The following POLR2F variants were observed in gnomAD, a reference collection of about 807,000 sequenced individuals.
POLR2F encodes RNA polymerase II, I and III subunit F, also known as DNA-directed RNA polymerases I, II, and III subunit RPABC2.
POLR2F carries 12 observed loss-of-function variants against 22.7 expected under a neutral mutation model. The observed-to-expected ratio is 0.53, with a 90% CI of 0.34 to 0.86. The LOEUF (loss-of-function observed/expected upper bound fraction) is 0.86, where lower values mean the gene tolerates loss of function less well. POLR2F is among the 40% of genes least tolerant of loss of function. POLR2F has a pLI of 0.02. For synonymous variants in POLR2F, 57 were observed against 66.0 expected (o/e 0.86, Z 0.66); for missense variants, 126 against 171.5 (o/e 0.73, Z 1.48).
chr22:37,973,586 G>A (rs753998628), downstream of POLR2F: 7 of 1,612,840 alleles, frequency 4.3e-6, no homozygotes, highest in African/African-American at 2.7e-5. Flanking sequence ...AGAGATGGCC[G>A]TGTAGAGGGG....
intron 1 of POLR2F, among the ~76,000 whole-genome samples, chr22:37,955,203 GTT>G (rs77201045): frequency 3.8e-4 from 50 of 131,694 alleles, no homozygotes; most frequent in Non-Finnish European, 4.1e-4. Context: ...AGAAATAAGG[GTT>G]TTTTTTTTTT....
downstream of POLR2F, chr22:37,972,990 C>G (rs1932104054): frequency 6.4e-6 from 1 of 156,848 alleles, no homozygotes; most frequent in Non-Finnish European, 1.4e-5. Flanking sequence ...AAGCTACTCT[C>G]AGCCCCTGAG....
At chr22:38,029,016 G>T (rs1322761256), downstream of POLR2F, among the ~76,000 whole-genome samples, 1 of 152,176 alleles carries the variant, frequency 6.6e-6, no homozygotes, top group Non-Finnish European at 1.5e-5. Context: ...AAGGGTTTCA[G>T]AGGAGTCCAC....
Position 38,017,540 on chromosome 22 carries a change from T to G in POLR2F, c.121-8329T>G, listed in dbSNP as rs2145816828. ...TTCAGGTAATGGGCTGTAGGGTCCT[T>G]CCAGATCTGGCAGTCTGGGCTGTAT... is the stretch of plus-strand genomic sequence containing the variant. On this transcript the variant is annotated intron_variant, in intron 1 of 2. Transcript: ENST00000333418. This position sits in a 1 kb window ranked among gnomAD's most constrained non-coding sequence, Gnocchi z 4.1. Among the ~76,000 whole-genome samples the G allele has an allele frequency of 6.6e-6, 1 of 152,286 alleles. No individual in the cohort carries two copies. The highest frequency in any genetic ancestry group is 2.1e-4 in the South Asian group (1 of 4,822).
chr22:37,965,123 A>AG (rs1488991481), intron 3 of POLR2F, among the ~76,000 whole-genome samples: 2 of 152,090 alleles, frequency 1.3e-5, no homozygotes, highest in African/African-American at 4.8e-5. Context: ...CTCATGCCTC[A>AG]GCCTCTCGAG....
intron 1 of POLR2F, 111 bp from the exon 2 acceptor site, chr22:37,956,662 C>T: frequency 1.2e-6 from 1 of 848,542 alleles, no homozygotes; most frequent in Non-Finnish European, 2.0e-6. Flanking sequence ...AGTGATCCGC[C>T]CACTTCAATC....
At chr22:37,970,174 A>G (rs1172718586), downstream of POLR2F, among the ~76,000 whole-genome samples, 2 of 151,962 alleles carry the variant, frequency 1.3e-5, no homozygotes, top group African/African-American at 2.4e-5. Flanking sequence ...GGCGCCTGTA[A>G]TCCCAGCTAC....
chr22:38,030,275 G>A (rs1229055031), downstream of POLR2F, among the ~76,000 whole-genome samples: 2 of 152,100 alleles, frequency 1.3e-5, no homozygotes, highest in East Asian at 1.9e-4. Context: ...GGAGCCAGGA[G>A]TCGGGCCCTC....
At chr22:37,996,221 A>G (rs920618703) in intron 1 of POLR2F, among the ~76,000 whole-genome samples, 1 of 152,194 alleles carries the variant, frequency 6.6e-6, no homozygotes, top group African/African-American at 2.4e-5. Flanking sequence ...CCCTTCCCCC[A>G]GCAGGCAGGA....
chr22:38,037,147 T>C (rs6000982), intron 5 of POLR2F, among the ~76,000 whole-genome samples: 49 of 152,364 alleles, frequency 3.2e-4, no homozygotes, highest in African/African-American at 1.2e-3. Flanking sequence ...TGGTCTGTTA[T>C]GTCCACTGCT....
At chr22:37,998,504 C>T (rs2084738280) in intron 1 of POLR2F, among the ~76,000 whole-genome samples, 1 of 152,140 alleles carries the variant, frequency 6.6e-6, no homozygotes. Context: ...TGCTGTCAGG[C>T]TCCCTGGGCA....
chr22:37,969,537 G>C (rs1931982017), downstream of POLR2F, among the ~76,000 whole-genome samples: 1 of 152,120 alleles, frequency 6.6e-6, no homozygotes, highest in Non-Finnish European at 1.5e-5. Flanking sequence ...TGAGATGTGG[G>C]GTCTTGGAGG....
At position 37,959,393 on chromosome 22, in the gene POLR2F, G is replaced by A; in HGVS notation, c.138G>A (p.Gln46=). Residue 46 remains glutamine, a synonymous_variant, in exon 3 of 5, where the codon CAG becomes CAA. Coordinates refer to ENST00000442738, the MANE Select transcript of POLR2F (RefSeq NM_021974.5). ...TCCTCCCCTCTGGGGAGCGACCGCA[G>A]GCCAACCAGAAGCGAATCACCACAC... The part of the protein sequence containing the change: ...VEILPSGERP[Q]ANQKRITTPY... 2 of 1,614,144 alleles carry A rather than the reference G, an allele frequency of 1.2e-6. No individual in the cohort carries two copies. The highest frequency in any genetic ancestry group is 1.7e-6 in the Non-Finnish European group (2 of 1,179,994).
At chr22:37,992,244 A>G (rs1312386946) in intron 1 of POLR2F, among the ~76,000 whole-genome samples, 2 of 152,172 alleles carry the variant, frequency 1.3e-5, no homozygotes, top group African/African-American at 4.8e-5. Flanking sequence ...GTGAGGATTA[A>G]AGCAGATAAG....
At chr22:38,027,617 GC>G (rs1413750944), downstream of POLR2F, among the ~76,000 whole-genome samples, 1 of 152,054 alleles carries the variant, frequency 6.6e-6, no homozygotes, top group Non-Finnish European at 1.5e-5. Flanking sequence ...TCAGAGCTTG[GC>G]CCCCAACAAT....
At chr22:37,974,244 G>T, downstream of POLR2F, 1 of 1,473,942 alleles carries the variant, frequency 6.8e-7, no homozygotes, top group South Asian at 1.2e-5. The surrounding 1 kb of genome is among the most constrained non-coding windows in gnomAD (Gnocchi z 5.4). Flanking sequence ...GGGGAAGCAG[G>T]TTAGAGGCAG....
At chr22:37,958,355 ATT>A (rs59671131) in intron 2 of POLR2F, 5 of 142,222 alleles carry the variant, frequency 3.5e-5, no homozygotes, top group Admixed American at 7.0e-5. Context: ...CGCCCGGCTA[ATT>A]TTTTTTTTTT....
chr22:37,979,286 C>T (rs113023445), intron 4 of POLR2F, among the ~76,000 whole-genome samples: 5,282 of 147,316 alleles, frequency 0.036, 296 homozygotes, highest in African/African-American at 0.13. Context: ...TTAGTAGAGA[C>T]GAGGTTTCAC....
chr22:38,024,605 A>G (rs1275077934), intron 1 of POLR2F, among the ~76,000 whole-genome samples: 1 of 152,144 alleles, frequency 6.6e-6, no homozygotes, highest in East Asian at 1.9e-4. Flanking sequence ...AAACATGGGA[A>G]GGACGGACAC....
Sources: gnomAD v4.1 joint callset for allele counts (sites outside exome capture counted in the v4.1 genomes callset) on GRCh38, gnomAD v4.1.1 for gene constraint, Gnocchi (gnomAD v3.1) non-coding constraint, MANE v1.5 for transcripts, NCBI Gene and HGNC (gene_info 2026-07-23, HGNC 2026-07-21) for gene names.